KCNMA1: variants seen among roughly 807,000 people sequenced by gnomAD.
The protein encoded by KCNMA1 is Calcium-activated potassium channel subunit alpha-1.
A neutral mutation model predicts 140.0 loss-of-function variants in KCNMA1; 29 were observed. That is an observed-to-expected ratio of 0.21 (90% CI 0.15 to 0.28). The LOEUF (loss-of-function observed/expected upper bound fraction) is 0.28. Among genes scored for constraint, KCNMA1 ranks in the 10% least tolerant of loss-of-function variants. KCNMA1 has a pLI of 1.00. For synonymous variants in KCNMA1, 612 were observed against 611.9 expected (o/e 1.00, Z 0.00); for missense variants, 880 against 1,602.2 (o/e 0.55, Z 7.70).
chr10:77,626,485 G>C (rs1019669334), intron 1 of KCNMA1, among the ~76,000 whole-genome samples: 6 of 152,140 alleles, frequency 3.9e-5, no homozygotes, highest in Non-Finnish European at 8.8e-5. Context: ...CTTGGGTAAG[G>C]CCTTTCATCT....
intron 23 of KCNMA1, among the ~76,000 whole-genome samples, chr10:76,920,014 G>GTA (rs1449289105): frequency 1.0e-3 from 45 of 44,466 alleles, no homozygotes; most frequent in African/African-American, 3.8e-3. Flanking sequence ...GTGTGTGTGT[G>GTA]TGTGTGTATA....
intron 1 of KCNMA1, among the ~76,000 whole-genome samples, chr10:77,513,614 G>C (rs1361170040): frequency 1.3e-5 from 2 of 152,210 alleles, no homozygotes; most frequent in Non-Finnish European, 2.9e-5. Context: ...AGGAAACAAG[G>C]GGAGAAGAGG....
rs1439120887 is a variant in KCNMA1, at chr10:77,418,882, C to T, written c.379-14859G>A. The stretch of plus-strand genomic sequence containing the variant: ...AGAAGAGAGGGCCACCTCATTCAGA[C>T]TTCTCCAGGGGAAGTCGTTCTTCCC... On this transcript the variant is annotated intron_variant, in intron 1 of 27. Transcript: ENST00000286628. Among the ~76,000 whole-genome samples, 5 of 152,364 alleles carry T rather than the reference C, an allele frequency of 3.3e-5. No individual in the cohort carries two copies. The South Asian group carries it at 6.2e-4, about 19-fold the overall frequency.
At chr10:77,248,273 A>G (rs1463878842) in intron 3 of KCNMA1, among the ~76,000 whole-genome samples, 1 of 152,186 alleles carries the variant, frequency 6.6e-6, no homozygotes, top group Non-Finnish European at 1.5e-5. Flanking sequence ...TTTATACATT[A>G]ATCGGCATTC....
chr10:77,024,864 A>C (rs2093250319), intron 16 of KCNMA1, among the ~76,000 whole-genome samples: 1 of 152,126 alleles, frequency 6.6e-6, no homozygotes, highest in South Asian at 2.1e-4. Context: ...TAGAAGTGTA[A>C]GGGCTTGGTC....
chr10:76,934,286 T>C (rs2059972443), intron 23 of KCNMA1, among the ~76,000 whole-genome samples: 1 of 152,244 alleles, frequency 6.6e-6, no homozygotes, highest in African/African-American at 2.4e-5. Flanking sequence ...GGCCATTTAT[T>C]TCTTTATTTT....
At chr10:77,051,812 T>C (rs1238423173) in intron 14 of KCNMA1, among the ~76,000 whole-genome samples, 1 of 152,078 alleles carries the variant, frequency 6.6e-6, no homozygotes, top group Non-Finnish European at 1.5e-5. Context: ...AGAGCAACAC[T>C]AGTACCTACC....
chr10:77,357,927 A>T (rs1329732119), intron 2 of KCNMA1, among the ~76,000 whole-genome samples: 2 of 152,230 alleles, frequency 1.3e-5, no homozygotes, highest in Non-Finnish European at 1.5e-5. Context: ...GATGAAGTGG[A>T]CTGGGGGTCT....
chr10:76,887,029 T>A lies in KCNMA1; in HGVS notation c.*237A>T. On this transcript the variant is annotated 3_prime_UTR_variant, in exon 28 of 28. Transcript: ENST00000286628. ...TCTGGAGCATGCCTTTGGGTTATTT[T>A]TCCCCCAGAATCATAAATAACTTTT... 1.4e-6 allele frequency: 2 copies of A among 1,388,034 alleles called. No individual in the cohort carries two copies. Among genetic ancestry groups the A allele is most frequent in the Non-Finnish European group, 1.9e-6 (2 of 1,064,994 alleles). The allele number at this position is 1,388,034 out of a possible 1,614,324, so 86.0% of individuals were successfully genotyped here.
chr10:77,211,500 C>A (rs902949543), intron 3 of KCNMA1, among the ~76,000 whole-genome samples: 5 of 152,080 alleles, frequency 3.3e-5, no homozygotes, highest in Non-Finnish European at 4.4e-5. Flanking sequence ...ACTATAAAAT[C>A]TTTGAAGAAA....
chr10:77,216,368 G>T (rs1387631658), intron 3 of KCNMA1, among the ~76,000 whole-genome samples: 1 of 152,076 alleles, frequency 6.6e-6, no homozygotes, highest in Non-Finnish European at 1.5e-5. Context: ...GAAGAAGAAG[G>T]GGGGAAGAGG....
intron 1 of KCNMA1, among the ~76,000 whole-genome samples, chr10:77,476,152 C>T (rs2098273113): frequency 6.6e-6 from 1 of 152,236 alleles, no homozygotes; most frequent in Non-Finnish European, 1.5e-5. Flanking sequence ...CAGGATGAGG[C>T]TGCTGGGAGC....
intron 1 of KCNMA1, among the ~76,000 whole-genome samples, chr10:77,554,639 A>AAAGAG (rs1201720732): frequency 2.0e-5 from 3 of 151,520 alleles, no homozygotes; most frequent in Middle Eastern, 3.2e-3. Flanking sequence ...AAAGAAAAGA[A>AAAGAG]AGAAAGAGAA....
At chr10:77,425,162 T>C (rs2154489996) in intron 1 of KCNMA1, among the ~76,000 whole-genome samples, 1 of 151,650 alleles carries the variant, frequency 6.6e-6, no homozygotes. Context: ...GATGAGGATA[T>C]AAGTATTGGC....
At chr10:77,418,931 C>A (rs1228386396) in intron 1 of KCNMA1, among the ~76,000 whole-genome samples, 1 of 152,208 alleles carries the variant, frequency 6.6e-6, no homozygotes, top group Non-Finnish European at 1.5e-5. Flanking sequence ...AGACTGGCCT[C>A]CTTCTACAAA....
intron 2 of KCNMA1, among the ~76,000 whole-genome samples, chr10:77,308,764 C>A (rs1272366354): frequency 6.6e-6 from 1 of 152,194 alleles, no homozygotes; most frequent in Non-Finnish European, 1.5e-5. Flanking sequence ...ACTCTGATGT[C>A]TGAGGCTGGA....
chr10:77,555,450 C>T (rs1222426766), intron 1 of KCNMA1, among the ~76,000 whole-genome samples: 1 of 152,144 alleles, frequency 6.6e-6, no homozygotes, highest in Non-Finnish European at 1.5e-5. Context: ...AAGAGCCAAC[C>T]TCTCTTCTAA....
At chr10:77,417,730 C>G (rs2096773748) in intron 1 of KCNMA1, among the ~76,000 whole-genome samples, 2 of 152,342 alleles carry the variant, frequency 1.3e-5, no homozygotes, top group Admixed American at 6.5e-5. Context: ...CATGTTCCCG[C>G]TTCTTCCATT....
rs2060380172 is a variant in KCNMA1, at chr10:77,254,784, G to T, written c.541-3528C>A. Among the ~76,000 whole-genome samples, 3 of 152,066 alleles carry T rather than the reference G, an allele frequency of 2.0e-5. No individual in the cohort carries two copies. The South Asian group carries it at 6.2e-4, about 31-fold the overall frequency. On this transcript the variant is annotated intron_variant, in intron 2 of 27. Coordinates refer to ENST00000286628, the MANE Select transcript of KCNMA1 (RefSeq NM_001161352.2). Reference sequence around the variant, plus strand: ...GGCTGAGGCCATTGGGAATCCTTTTGCAAGCTTCTATAGTTTCAGGGACAA... The same window carrying T: ...GGCTGAGGCCATTGGGAATCCTTTTTCAAGCTTCTATAGTTTCAGGGACAA...
Sources: gnomAD v4.1 joint callset for allele counts (sites outside exome capture counted in the v4.1 genomes callset) on GRCh38, gnomAD v4.1.1 for gene constraint, MANE v1.5 for transcripts, NCBI Gene and HGNC (gene_info 2026-07-23, HGNC 2026-07-21) for gene names.